DSC2: variants seen among roughly 807,000 people sequenced by gnomAD.
DSC2 encodes the protein desmocollin 2, also known as desmocollin-2.
Under a neutral mutation model 87.6 loss-of-function variants are expected in DSC2, and 51 were observed. The observed-to-expected ratio is 0.58, with a 90% CI of 0.46 to 0.74. The LOEUF is 0.74. DSC2 is among the 30% of genes least tolerant of loss of function. The pLI, the probability that DSC2 is intolerant of heterozygous loss-of-function variation, is 0.00. For missense variants in DSC2, 1,066 were observed against 1,089.5 expected, an observed-to-expected ratio of 0.98 and a Z score of 0.30; for synonymous variants, 383 against 393.2, an observed-to-expected ratio of 0.97 and a Z score of 0.31.
At position 31,087,704 on chromosome 18, in the gene DSC2, G is replaced by T. The variant is rs1171077859; in HGVS notation, c.740C>A (p.Thr247Asn). The T allele has an allele frequency of 5.0e-6, 8 of 1,613,388 alleles. No homozygotes were observed. In the South Asian group the frequency reaches 7.7e-5, roughly 16 times the overall value. The change falls in exon 6 of 16, where the codon ACT (threonine) becomes AAT (asparagine). Residue 247 changes from threonine to asparagine, a missense_variant. By Grantham distance (65) the Thr-to-Asn change is moderately conservative. Transcript: ENST00000280904. ...ATTTTCAAAAATTGTAAAAGTATAA[G>T]TTTCTTCTGTAAAAATTGGGTAGTT... ...NDNYPIFTEE[T>N]YTFTIFENCR...
chr18:31,102,048 G>A lies in DSC2; in HGVS notation c.-77C>T. 7.9e-7 allele frequency: 1 copy of A among 1,272,780 alleles called. No homozygotes were observed. Among genetic ancestry groups the A allele is most frequent in the Non-Finnish European group, 1.0e-6 (1 of 978,684 alleles). The allele number at this position is 1,272,780 out of a possible 1,614,324, so 78.8% of individuals were successfully genotyped here. On this transcript the variant is annotated 5_prime_UTR_variant, in exon 1 of 16. Transcript: ENST00000280904. ...GCTCCGCGGGGCGAGGGCCGCGGCC[G>A]GAGCGCAGTCTGGGCCCGCTGCTCA...
chr18:31,086,114 C>A (rs945219367), intron 7 of DSC2, among the ~76,000 whole-genome samples: 19 of 151,958 alleles, frequency 1.3e-4, no homozygotes, highest in African/African-American at 4.6e-4. Context: ...GAAAAGAAGA[C>A]AAGTTAAATT....
At chr18:31,095,320 C>A (rs1357370117) in intron 1 of DSC2, among the ~76,000 whole-genome samples, 4 of 152,114 alleles carry the variant, frequency 2.6e-5, no homozygotes, top group Admixed American at 2.6e-4. Flanking sequence ...AAAGGACAGT[C>A]AATGGCAAAT....
chr18:31,096,160 G>A (rs543942967), intron 1 of DSC2, among the ~76,000 whole-genome samples: 4 of 152,250 alleles, frequency 2.6e-5, no homozygotes, highest in Non-Finnish European at 5.9e-5. Context: ...CCAATGTGGA[G>A]AATGGAAAAA....
Position 31,092,135 on chromosome 18 carries a change from T to C in DSC2, c.320A>G (p.Lys107Arg), listed in dbSNP as rs1743965498. Residue 107 changes from lysine to arginine, a missense_variant, in exon 3 of 16, where the codon AAG (lysine) becomes AGG (arginine). Physicochemically the swap from Lys to Arg is conservative, Grantham distance 26. Transcript: ENST00000280904. ...ATGCTCCAAAAAGACAAATATTTTC[T>C]TCTTTTCTTGGTTCTCAGTGTTGGA... is the stretch of plus-strand genomic sequence containing the variant. The part of the protein sequence containing the change: ...LLSNTENQEK[K>R]KIFVFLEHQT... The C allele has an allele frequency of 6.2e-7, 1 of 1,613,286 alleles. No individual in the cohort carries two copies. Among genetic ancestry groups the C allele is most frequent in the Non-Finnish European group, 8.5e-7 (1 of 1,179,502 alleles).
At position 31,087,810 on chromosome 18, in the gene DSC2, T is replaced by C. The variant is rs779011052; in HGVS notation, c.634A>G (p.Ile212Val). ...DREQYESFEI[I>V]AFATTPDGYT... ...CCATCTGGAGTTGTTGCAAAGGCAA[T>C]TATCTGTGAAGAGAGTAAAATAAGG... Residue 212 changes from isoleucine (I) to valine (V), a missense_variant, in exon 6 of 16, where the codon ATT becomes GTT. Physicochemically the swap from Ile to Val is conservative, Grantham distance 29 (BLOSUM62 3). Coordinates refer to ENST00000280904, the MANE Select transcript of DSC2 (RefSeq NM_024422.6). 1.9e-6 allele frequency: 3 copies of C among 1,613,686 alleles called. No homozygotes were observed. The Admixed American group carries it at 5.0e-5, about 27-fold the overall frequency.
intron 9 of DSC2, 81 bp from the exon 10 acceptor site, chr18:31,080,433 T>C (rs1257894460): frequency 2.7e-6 from 4 of 1,507,364 alleles, no homozygotes; most frequent in African/African-American, 2.8e-5. Context: ...AATGTTAAAT[T>C]TGGAAATATG....
At chr18:31,085,888 T>C (rs1216150981) in intron 7 of DSC2, among the ~76,000 whole-genome samples, 1 of 152,026 alleles carries the variant, frequency 6.6e-6, no homozygotes, top group Non-Finnish European at 1.5e-5. Context: ...ATTACTAAGC[T>C]AGGGTATTGC....
At chr18:31,090,907 T>C (rs891466400) in intron 4 of DSC2, 121 bp downstream of exon 4, 5 of 1,380,384 alleles carry the variant, frequency 3.6e-6, no homozygotes, top group Non-Finnish European at 4.1e-6. Context: ...AAACATATTA[T>C]ACACATACTC....
chr18:31,092,321 A>C, intron 2 of DSC2, 21 bp from the exon 3 acceptor site: 4 of 1,598,732 alleles, frequency 2.5e-6, no homozygotes, highest in Non-Finnish European at 3.4e-6. Flanking sequence ...TATGCACAGC[A>C]ATCATTTTTA....
At position 31,074,931 on chromosome 18, in the gene DSC2, GT is replaced by G. The variant is rs753306566; in HGVS notation, c.1664-25del. 2.5e-6 allele frequency: 4 copies of G among 1,580,264 alleles called. No individual in the cohort carries two copies. In the South Asian group the frequency reaches 4.6e-5, roughly 18 times the overall value. On this transcript the variant is annotated intron_variant, in intron 11 of 15. Coordinates refer to ENST00000280904, the MANE Select transcript of DSC2 (RefSeq NM_024422.6). ...TCCTAGAAAAATGAAAATAAAAATAGTTTTTCTATGTTTTGAGTTTTCACCA... is the reference window on the plus strand; with the variant it reads ...TCCTAGAAAAATGAAAATAAAAATAGTTTTCTATGTTTTGAGTTTTCACCA...
At chr18:31,079,771 T>C (rs1987141187) in intron 11 of DSC2, 76 bp downstream of exon 11, 2 of 1,561,988 alleles carry the variant, frequency 1.3e-6, no homozygotes, top group African/African-American at 1.4e-5. Flanking sequence ...AGCTTTAAAA[T>C]GTATACTGTT....
rs748644229 is a variant in DSC2 at position 31,092,269 on chromosome 18, A to T, written c.186T>A (p.Asn62Lys). 14 of 1,613,716 alleles carry T rather than the reference A, an allele frequency of 8.7e-6. No individual in the cohort carries two copies. Among genetic ancestry groups the T allele is most frequent in the Non-Finnish European group, 1.2e-5 (14 of 1,179,758 alleles). ...AGTCAGGATCACTTGAATGAATTAGATTTGCAGCTGTAAAGCACTCTTTCA... is the reference window on the plus strand; with the variant it reads ...AGTCAGGATCACTTGAATGAATTAGTTTTGCAGCTGTAAAGCACTCTTTCA... The part of the protein sequence containing the change: ...VNLKECFTAA[N>K]LIHSSDPDFQ... The change falls in exon 3 of 16, where the codon AAT becomes AAA. Residue 62 changes from asparagine (N) to lysine (K), a missense_variant. Coordinates refer to ENST00000280904, the MANE Select transcript of DSC2 (RefSeq NM_024422.6).
In DSC2 at chr18:31,060,291, A is replaced by T. The variant is rs1986476272; in HGVS notation, c.*7724T>A. The T allele has an allele frequency of 3.5e-5, 3 of 84,848 alleles. No individual in the cohort carries two copies. In the South Asian group the frequency reaches 9.0e-4, roughly 25 times the overall value. The allele number at this position is 84,848 out of a possible 1,614,324, so 5.3% of individuals were successfully genotyped here. On this transcript the variant is annotated 3_prime_UTR_variant, in exon 16 of 16. Transcript: ENST00000280904. ...GATTTCATTGGTAATTCTGCATCAC[A>T]TCTTGTGTATATTGACACCCTCTGC...
At chr18:31,074,421 A>ATG (rs71175757) in intron 12 of DSC2, among the ~76,000 whole-genome samples, 2,880 of 139,958 alleles carry the variant, frequency 0.021, 30 homozygotes, top group East Asian at 0.028. Flanking sequence ...AAGAGAAAAA[A>ATG]TGTGTGTGTG....
intron 1 of DSC2, chr18:31,101,172 A>G (rs868537387): frequency 9.1e-6 from 9 of 984,950 alleles, no homozygotes; most frequent in Middle Eastern, 1.0e-3. Flanking sequence ...GATTTAGGGA[A>G]CTGAAGCCTC....
At chr18:31,076,482 A>T (rs1435009299) in intron 11 of DSC2, among the ~76,000 whole-genome samples, 1 of 152,244 alleles carries the variant, frequency 6.6e-6, no homozygotes, top group Non-Finnish European at 1.5e-5. Context: ...CAAAAGCACC[A>T]GTCAAAAGAT....
In DSC2 at chr18:31,062,763, C is replaced by CACT. The variant is rs1002116559; in HGVS notation, c.*5249_*5251dup. On this transcript the variant is annotated 3_prime_UTR_variant, in exon 16 of 16. Coordinates refer to ENST00000280904, the MANE Select transcript of DSC2 (RefSeq NM_024422.6). ...GCTGGCCTGAACCACAATATTCAGA[C>CACT]ACTACCCCTTCTGTCTGCCCCTCTC... 3.9e-5 allele frequency: 6 copies of CACT among 152,114 alleles called. No individual in the cohort carries two copies. Among genetic ancestry groups the CACT allele is most frequent in the Non-Finnish European group, 8.8e-5 (6 of 68,026 alleles). 9.4% of individuals were successfully genotyped at this position (152,114 alleles called of 1,614,324 possible).
chr18:31,085,051 G>C lies in DSC2; in HGVS notation c.942+1525C>G, dbSNP rs552271611. 6.0e-4 allele frequency among the ~76,000 whole-genome samples: 91 copies of C among 152,074 alleles called. 1 individual carries two copies. The highest frequency in any genetic ancestry group is 2.1e-3 in the African/African-American group (88 of 41,538). On this transcript the variant is annotated intron_variant, in intron 7 of 15. Transcript: ENST00000280904. Reference sequence around the variant, plus strand: ...GATTTTAACGTAATAAAGTACAAAAGGTCATTGTTGAGGATTCAGAGTCCA... The same window carrying C: ...GATTTTAACGTAATAAAGTACAAAACGTCATTGTTGAGGATTCAGAGTCCA...
Sources: allele counts gnomAD v4.1 joint callset (sites outside exome capture counted in the v4.1 genomes callset), GRCh38; gene constraint gnomAD v4.1.1; transcripts MANE v1.5; gene names NCBI Gene and HGNC (gene_info 2026-07-23, HGNC 2026-07-21).